Variants in CHRM3 observed in about 807,000 individuals in gnomAD.
The protein encoded by CHRM3 is muscarinic acetylcholine receptor M3.
A neutral mutation model predicts 41.8 loss-of-function variants in CHRM3; 11 were observed. The observed-to-expected ratio is 0.26, with a 90% CI of 0.17 to 0.44. The LOEUF (loss-of-function observed/expected upper bound fraction) is 0.44. Ranked by LOEUF, CHRM3 falls within the 20% of genes least tolerant of loss-of-function variation. The pLI, the probability that CHRM3 is intolerant of heterozygous loss-of-function variation, is 1.00. For missense variants in CHRM3, 571 were observed against 745.4 expected, an observed-to-expected ratio of 0.77 and a Z score of 2.72; for synonymous variants, 297 against 301.4, an observed-to-expected ratio of 0.99 and a Z score of 0.15.
At chr1:239,819,843 G>A (rs971359781) in intron 5 of CHRM3, among the ~76,000 whole-genome samples, 1 of 152,134 alleles carries the variant, frequency 6.6e-6, no homozygotes, top group South Asian at 2.1e-4. Context: ...TGGTTTTCAC[G>A]GAAGAAGAGA....
chr1:239,855,220 G>T (rs1023088271), intron 6 of CHRM3, among the ~76,000 whole-genome samples: 4 of 152,104 alleles, frequency 2.6e-5, no homozygotes, highest in Non-Finnish European at 4.4e-5. Flanking sequence ...CTTTGTAATG[G>T]TCAGGATAAT....
chr1:239,459,280 A>G (rs1442405711), intron 1 of CHRM3, among the ~76,000 whole-genome samples: 1 of 152,162 alleles, frequency 6.6e-6, no homozygotes, highest in Non-Finnish European at 1.5e-5. Flanking sequence ...GAAAAAAAAC[A>G]TGTAAAAATC....
chr1:239,599,976 C>A (rs899427513), intron 3 of CHRM3, among the ~76,000 whole-genome samples: 4 of 152,128 alleles, frequency 2.6e-5, no homozygotes, highest in African/African-American at 9.7e-5. Flanking sequence ...CCAACTCTCA[C>A]ACATAAAATG....
chr1:239,717,496 C>T (rs1298686915), intron 5 of CHRM3, among the ~76,000 whole-genome samples: 2 of 151,724 alleles, frequency 1.3e-5, no homozygotes, highest in African/African-American at 4.8e-5. Flanking sequence ...TGATTTTTAT[C>T]GTTGTTATCT....
intron 4 of CHRM3, among the ~76,000 whole-genome samples, chr1:239,641,041 A>G (rs1373101306): frequency 4.6e-5 from 7 of 152,076 alleles, no homozygotes; most frequent in Admixed American, 6.5e-5. Context: ...GTCATTCAGG[A>G]GCAGGTTGTT....
At chr1:239,389,794 C>T (rs1272127917) in intron 1 of CHRM3, among the ~76,000 whole-genome samples, 2 of 152,206 alleles carry the variant, frequency 1.3e-5, no homozygotes, top group African/African-American at 4.8e-5. Context: ...ACTTTGTTAA[C>T]ATTGGCAAGC....
At chr1:239,547,080 C>T (rs769855226) in intron 3 of CHRM3, among the ~76,000 whole-genome samples, 13 of 151,998 alleles carry the variant, frequency 8.6e-5, no homozygotes, top group South Asian at 2.1e-4. Context: ...ATTCTAATTC[C>T]GGAAATTAGA....
chr1:239,404,267 T>A (rs6663358), intron 1 of CHRM3, among the ~76,000 whole-genome samples: 14,329 of 139,960 alleles, frequency 0.1, 1,564 homozygotes, highest in African/African-American at 0.28. Flanking sequence ...CCAGCCTGGG[T>A]GACAGAGCGA....
chr1:239,410,724 G>A (rs1034675481), intron 1 of CHRM3, among the ~76,000 whole-genome samples: 2 of 152,108 alleles, frequency 1.3e-5, no homozygotes, highest in Non-Finnish European at 2.9e-5. Context: ...GTTAAGATCC[G>A]CTGACCCCTC....
chr1:239,506,349 G>C (rs893269903), intron 2 of CHRM3, among the ~76,000 whole-genome samples: 3 of 152,108 alleles, frequency 2.0e-5, no homozygotes, highest in African/African-American at 7.2e-5. Flanking sequence ...TAGGGACTTG[G>C]TATCCTGTGT....
chr1:239,785,451 TA>T (rs1668814641), intron 5 of CHRM3, among the ~76,000 whole-genome samples: 1 of 152,176 alleles, frequency 6.6e-6, no homozygotes, highest in Non-Finnish European at 1.5e-5. Context: ...AATAGAAAAA[TA>T]AATTGTGTAA....
At chr1:239,836,321 A>G (rs1673311309) in intron 6 of CHRM3, among the ~76,000 whole-genome samples, 2 of 152,206 alleles carry the variant, frequency 1.3e-5, no homozygotes, top group Admixed American at 1.3e-4. Flanking sequence ...CTGTTACATA[A>G]TCAAGCATCC....
intron 3 of CHRM3, among the ~76,000 whole-genome samples, chr1:239,618,917 T>G (rs1057093838): frequency 6.6e-6 from 1 of 150,972 alleles, no homozygotes; most frequent in African/African-American, 2.4e-5. Flanking sequence ...ATTTATTTAT[T>G]TATTTATTTA....
chr1:239,804,216 G>A (rs1670441980), intron 5 of CHRM3, among the ~76,000 whole-genome samples: 1 of 152,126 alleles, frequency 6.6e-6, no homozygotes, highest in Non-Finnish European at 1.5e-5. Flanking sequence ...ACTGGAAGGT[G>A]GGAGCATATT....
At chr1:239,720,974 G>A (rs989318570) in intron 5 of CHRM3, among the ~76,000 whole-genome samples, 2 of 151,932 alleles carry the variant, frequency 1.3e-5, no homozygotes, top group East Asian at 1.9e-4. Flanking sequence ...ATTGATTTGA[G>A]AACATATATT....
intron 1 of CHRM3, among the ~76,000 whole-genome samples, chr1:239,456,311 A>G (rs1664931811): frequency 2.6e-5 from 4 of 152,182 alleles, no homozygotes; most frequent in Admixed American, 2.6e-4. Flanking sequence ...TAAATGCCCT[A>G]TGCAGGTAAA....
At chr1:239,806,247 A>G (rs1670631848) in intron 5 of CHRM3, among the ~76,000 whole-genome samples, 1 of 152,216 alleles carries the variant, frequency 6.6e-6, no homozygotes, top group Non-Finnish European at 1.5e-5. Flanking sequence ...CTGTCTGCTT[A>G]AAATTGCTTT....
At chr1:239,436,406 A>G (rs767036567) in intron 1 of CHRM3, among the ~76,000 whole-genome samples, 7 of 152,082 alleles carry the variant, frequency 4.6e-5, no homozygotes, top group Non-Finnish European at 7.4e-5. Context: ...ACAGAGCTCT[A>G]TGTCCTGCTG....
At chr1:239,581,217 G>C (rs72756782) in intron 3 of CHRM3, among the ~76,000 whole-genome samples, 3 of 151,972 alleles carry the variant, frequency 2.0e-5, no homozygotes, top group Non-Finnish European at 4.4e-5. Context: ...GCCATATGTC[G>C]AGGACTTATT....
Sources: gnomAD v4.1 joint callset for allele counts (sites outside exome capture counted in the v4.1 genomes callset) on GRCh38, gnomAD v4.1.1 for gene constraint, MANE v1.5 for transcripts, NCBI Gene and HGNC (gene_info 2026-07-23, HGNC 2026-07-21) for gene names.